The following SOX5 variants were observed in gnomAD, a reference collection of about 807,000 sequenced individuals.
SOX5 encodes the protein SRY-box transcription factor 5, also known as transcription factor SOX-5.
In SOX5, 9 loss-of-function variants were observed where a neutral mutation model predicts 92.0. The ratio of observed to expected loss-of-function variants is 0.10; its 90% CI spans 0.06 to 0.17. SOX5 has a LOEUF of 0.17. SOX5 is among the 10% of genes least tolerant of loss of function. The pLI, the probability that SOX5 is intolerant of heterozygous loss-of-function variation, is 1.00. For missense variants in SOX5, 642 were observed against 944.5 expected (o/e 0.68, Z 4.20); for synonymous variants, 344 against 336.3 (o/e 1.02, Z -0.25).
intron 3 of SOX5, among the ~76,000 whole-genome samples, chr12:24,266,920 CCTCCTA>C (rs1358803854): frequency 6.6e-6 from 1 of 152,194 alleles, no homozygotes; most frequent in African/African-American, 2.4e-5. Flanking sequence ...TTTCAACCCT[CCTCCTA>C]CTTCTATTCA....
chr12:24,195,502 C>G (rs1161353519), intron 4 of SOX5, among the ~76,000 whole-genome samples: 1 of 152,160 alleles, frequency 6.6e-6, no homozygotes, highest in East Asian at 1.9e-4. Context: ...CTTTATCATA[C>G]ATATTTCCGT....
chr12:23,882,979 A>C (rs1270641240), intron 2 of SOX5, among the ~76,000 whole-genome samples: 1 of 152,140 alleles, frequency 6.6e-6, no homozygotes, highest in African/African-American at 2.4e-5. Context: ...CAGGAGATCG[A>C]GACCATCCTG....
At chr12:23,746,048 A>G (rs1451292005) in intron 4 of SOX5, among the ~76,000 whole-genome samples, 1 of 152,172 alleles carries the variant, frequency 6.6e-6, no homozygotes, top group Non-Finnish European at 1.5e-5. Context: ...GGCTTAAGAG[A>G]GTTGAGCCAA....
At chr12:24,041,643 T>C (rs962789519) in intron 4 of SOX5, among the ~76,000 whole-genome samples, 8 of 152,166 alleles carry the variant, frequency 5.3e-5, no homozygotes, top group African/African-American at 1.9e-4. Flanking sequence ...ACTGTTTCCA[T>C]GATCGAACTC....
At chr12:23,624,848 G>A (rs577628633) in intron 8 of SOX5, among the ~76,000 whole-genome samples, 1 of 152,220 alleles carries the variant, frequency 6.6e-6, no homozygotes, top group African/African-American at 2.4e-5. Context: ...AATGCAACAA[G>A]ATAAAAAGGA....
intron 1 of SOX5, among the ~76,000 whole-genome samples, chr12:24,476,575 T>G (rs1945401081): frequency 6.6e-6 from 1 of 152,186 alleles, no homozygotes; most frequent in Non-Finnish European, 1.5e-5. Context: ...TCACTGTAGT[T>G]GTTCAAGCAG....
intron 1 of SOX5, among the ~76,000 whole-genome samples, chr12:24,474,664 T>A (rs1012482790): frequency 1.3e-5 from 2 of 149,954 alleles, no homozygotes; most frequent in Non-Finnish European, 3.0e-5. Context: ...GTCTCCCGGG[T>A]AGCTGGGATT....
At chr12:24,289,885 T>C (rs988628599) in intron 2 of SOX5, among the ~76,000 whole-genome samples, 4 of 152,360 alleles carry the variant, frequency 2.6e-5, no homozygotes, top group African/African-American at 9.6e-5. Context: ...ACATGCTTAC[T>C]GTGCATTATA....
chr12:24,517,367 T>A (rs1463340427), intron 1 of SOX5, among the ~76,000 whole-genome samples: 1 of 151,960 alleles, frequency 6.6e-6, no homozygotes, highest in Non-Finnish European at 1.5e-5. Flanking sequence ...GGTGCTTACA[T>A]CCACATCAAG....
At chr12:23,821,767 T>C (rs894857824) in intron 3 of SOX5, among the ~76,000 whole-genome samples, 7 of 152,162 alleles carry the variant, frequency 4.6e-5, no homozygotes, top group Non-Finnish European at 7.4e-5. Context: ...ATCAGGGATA[T>C]TGGCCTGAAA....
chr12:23,663,274 A>G (rs2083313788), intron 7 of SOX5, among the ~76,000 whole-genome samples: 1 of 152,190 alleles, frequency 6.6e-6, no homozygotes, highest in Non-Finnish European at 1.5e-5. Flanking sequence ...AGGTTACAAA[A>G]GAAGGGGTAT....
At chr12:24,534,259 G>C in intron 1 of SOX5, among the ~76,000 whole-genome samples, 1 of 149,516 alleles carries the variant, frequency 6.7e-6, no homozygotes. Context: ...TCTTTTCTTT[G>C]CTTTTTTTTT....
At chr12:24,160,216 C>T (rs961887779) in intron 4 of SOX5, among the ~76,000 whole-genome samples, 4 of 151,884 alleles carry the variant, frequency 2.6e-5, no homozygotes, top group African/African-American at 7.2e-5. Context: ...TAAGAAATTA[C>T]TTGAATGTAG....
In SOX5 at chr12:24,501,906, G is replaced by T. The variant is rs561325702; in HGVS notation, c.-251+60423C>A. 5.9e-5 allele frequency among the ~76,000 whole-genome samples: 9 copies of T among 152,182 alleles called. No homozygotes were observed. In the East Asian group the frequency reaches 1.7e-3, roughly 29 times the overall value. On this transcript the variant is annotated intron_variant, in intron 1 of 4. Coordinates refer to the SOX5 transcript ENST00000446891. ...CATATGGTAAATGGAAAAAAAGAAAGAAATTAATTGTCGATAAAAACTGAA... is the reference window on the plus strand; with the variant it reads ...CATATGGTAAATGGAAAAAAAGAAATAAATTAATTGTCGATAAAAACTGAA...
intron 1 of SOX5, among the ~76,000 whole-genome samples, chr12:24,411,001 C>G (rs1963971023): frequency 6.6e-6 from 1 of 152,138 alleles, no homozygotes; most frequent in Non-Finnish European, 1.5e-5. Flanking sequence ...TTGCAGCATA[C>G]ACATCCTTTA....
At chr12:23,909,785 T>A (rs1197868165) in intron 1 of SOX5, among the ~76,000 whole-genome samples, 1 of 151,960 alleles carries the variant, frequency 6.6e-6, no homozygotes, top group Non-Finnish European at 1.5e-5. Context: ...AAAGTAATCA[T>A]CCATTGCTGT....
intron 1 of SOX5, among the ~76,000 whole-genome samples, chr12:24,525,584 T>TA (rs1285571749): frequency 1.3e-5 from 2 of 152,268 alleles, no homozygotes; most frequent in African/African-American, 4.8e-5. Context: ...AGAGAAGCAG[T>TA]AGCCAGGCCG....
At chr12:23,987,285 A>G (rs994644885) in intron 4 of SOX5, among the ~76,000 whole-genome samples, 1 of 152,210 alleles carries the variant, frequency 6.6e-6, no homozygotes, top group Non-Finnish European at 1.5e-5. Flanking sequence ...GGCCTCTCTA[A>G]AATGATGGCA....
chr12:23,907,633 T>C (rs2097307437), intron 1 of SOX5, among the ~76,000 whole-genome samples: 1 of 152,086 alleles, frequency 6.6e-6, no homozygotes, highest in Non-Finnish European at 1.5e-5. Flanking sequence ...AATGCGTATA[T>C]ATGGGAATGT....
Sources: gnomAD v4.1 joint callset for allele counts (sites outside exome capture counted in the v4.1 genomes callset) on GRCh38, gnomAD v4.1.1 for gene constraint, MANE v1.5 for transcripts, NCBI Gene and HGNC (gene_info 2026-07-23, HGNC 2026-07-21) for gene names.